The following CCDC30 variants were observed in gnomAD, a reference collection of about 807,000 sequenced individuals.
CCDC30 encodes coiled-coil domain-containing protein 30.
CCDC30 carries 70 observed loss-of-function variants against 100.2 expected under a neutral mutation model. The observed-to-expected ratio is 0.70, with a 90% CI of 0.58 to 0.85. The LOEUF (loss-of-function observed/expected upper bound fraction) is 0.85. Among genes scored for constraint, CCDC30 ranks in the 40% least tolerant of loss-of-function variants. The probability of loss-of-function intolerance (pLI) is 0.00; values close to 1 mark genes in which losing one functional copy is unlikely to be tolerated. For missense variants in CCDC30, 652 were observed against 771.2 expected (o/e 0.85, Z 1.83); for synonymous variants, 233 against 269.5 (o/e 0.86, Z 1.33).
At chr1:42,638,214 T>A (rs755160655) in intron 12 of CCDC30, among the ~76,000 whole-genome samples, 27 of 152,274 alleles carry the variant, frequency 1.8e-4, no homozygotes, top group African/African-American at 6.5e-4. Flanking sequence ...ATTGGCTGGG[T>A]GCAGTGGTTC....
At chr1:42,642,240 C>A (rs12043760) in intron 12 of CCDC30, among the ~76,000 whole-genome samples, 9,739 of 145,792 alleles carry the variant, frequency 0.067, 467 homozygotes, top group East Asian at 0.23. Flanking sequence ...AACAAACAAA[C>A]AAAAAAATAT....
intron 11 of CCDC30, among the ~76,000 whole-genome samples, chr1:42,636,965 C>CAAAAAAA (rs1166253995): frequency 0.023 from 671 of 29,508 alleles, 85 homozygotes; most frequent in South Asian, 0.044. Context: ...GACTCCATCT[C>CAAAAAAA]AAAAAAAAAA....
At chr1:42,578,549 G>C (rs1158450470) in intron 8 of CCDC30, among the ~76,000 whole-genome samples, 1 of 151,946 alleles carries the variant, frequency 6.6e-6, no homozygotes, top group African/African-American at 2.4e-5. Flanking sequence ...AAAAGTAATT[G>C]GTAAAATTGG....
chr1:42,577,080 T>G, exon 8 of CCDC30: 1 of 1,614,106 alleles, frequency 6.2e-7, no homozygotes, highest in Non-Finnish European at 8.5e-7. Flanking sequence ...GATGTGCTCT[T>G]CACTCACGGC....
At chr1:42,506,801 G>A (rs1296857679) in intron 6 of CCDC30, among the ~76,000 whole-genome samples, 1 of 152,182 alleles carries the variant, frequency 6.6e-6, no homozygotes, top group Non-Finnish European at 1.5e-5. Flanking sequence ...TTATGAAATG[G>A]AAGTCTAGAT....
chr1:42,530,717 T>C (rs1644792654), intron 6 of CCDC30, among the ~76,000 whole-genome samples: 1 of 152,184 alleles, frequency 6.6e-6, no homozygotes, highest in South Asian at 2.1e-4. Context: ...TTGTAAGTAA[T>C]CTAGAGATGA....
At chr1:42,549,155 C>T (rs752802190) in intron 6 of CCDC30, among the ~76,000 whole-genome samples, 18 of 152,166 alleles carry the variant, frequency 1.2e-4, no homozygotes, top group East Asian at 3.9e-4. Flanking sequence ...GACTGATGAG[C>T]GGGACCATTG....
chr1:42,478,691 C>T (rs188537969), intron 1 of CCDC30, among the ~76,000 whole-genome samples: 293 of 152,098 alleles, frequency 1.9e-3, no homozygotes, highest in African/African-American at 6.7e-3. Flanking sequence ...CCTGGGAGGT[C>T]GAGGCTGTGG....
chr1:42,641,984 G>C (rs985274725), intron 12 of CCDC30, among the ~76,000 whole-genome samples: 104 of 152,298 alleles, frequency 6.8e-4, no homozygotes, highest in African/African-American at 2.4e-3. Flanking sequence ...CCAGCAATTT[G>C]GGAGGCCAAG....
intron 15 of CCDC30, among the ~76,000 whole-genome samples, chr1:42,646,679 C>T (rs1466480082): frequency 6.6e-6 from 1 of 152,206 alleles, no homozygotes; most frequent in African/African-American, 2.4e-5. Flanking sequence ...GACAGCCTTC[C>T]CTCACTGCCA....
At chr1:42,656,073 A>G (rs114030290), downstream of CCDC30, among the ~76,000 whole-genome samples, 2,149 of 151,466 alleles carry the variant, frequency 0.014, 60 homozygotes, top group African/African-American at 0.049. Context: ...CTCTCACTCT[A>G]TTGTTCAAGC....
chr1:42,516,005 G>A (rs1043066464), intron 6 of CCDC30, among the ~76,000 whole-genome samples: 1 of 152,048 alleles, frequency 6.6e-6, no homozygotes, highest in East Asian at 1.9e-4. Context: ...GTAAATAATG[G>A]GTGTACAAAT....
At chr1:42,484,537 A>G (rs1335578) in intron 3 of CCDC30, among the ~76,000 whole-genome samples, 52,909 of 152,068 alleles carry the variant, frequency 0.35, 9,377 homozygotes, top group East Asian at 0.39. Flanking sequence ...ACTGAAAGCC[A>G]TCTCCACAGT....
intron 4 of CCDC30, among the ~76,000 whole-genome samples, chr1:42,496,132 T>A (rs1053253293): frequency 1.5e-4 from 22 of 148,292 alleles, no homozygotes; most frequent in African/African-American, 5.6e-4. Context: ...AGTGTGTGTG[T>A]GTGTGTGTGT....
At chr1:42,469,256 T>G (rs542643278) in intron 1 of CCDC30, among the ~76,000 whole-genome samples, 1 of 152,296 alleles carries the variant, frequency 6.6e-6, no homozygotes, top group South Asian at 2.1e-4. Flanking sequence ...TTGGCACATT[T>G]CTGTAGTCCT....
intron 11 of CCDC30, among the ~76,000 whole-genome samples, chr1:42,614,364 G>A (rs1646685002): frequency 6.6e-6 from 1 of 151,952 alleles, no homozygotes; most frequent in East Asian, 2.0e-4. Flanking sequence ...ACAGGCGTGA[G>A]CCACCGCACC....
chr1:42,546,399 AATAT>A (rs66804938), intron 6 of CCDC30, among the ~76,000 whole-genome samples: 20 of 11,984 alleles, frequency 1.7e-3, no homozygotes, highest in African/African-American at 3.9e-3. Context: ...AAAAAAAAAA[AATAT>A]ATATATATAT....
At chr1:42,462,346 G>A (rs575504462), upstream of CCDC30, among the ~76,000 whole-genome samples, 2 of 152,264 alleles carry the variant, frequency 1.3e-5, no homozygotes, top group South Asian at 4.2e-4. Flanking sequence ...TCCCTGAGTA[G>A]GTGATACTTA....
At chr1:42,521,389 C>T (rs1210306262) in intron 6 of CCDC30, 1 of 154,454 alleles carries the variant, frequency 6.5e-6, no homozygotes, top group East Asian at 1.9e-4. Flanking sequence ...CTGTTAATTT[C>T]TAACTTTATC....
Sources: gnomAD v4.1 joint callset for allele counts (sites outside exome capture counted in the v4.1 genomes callset) on GRCh38, gnomAD v4.1.1 for gene constraint, MANE v1.5 for transcripts, NCBI Gene and HGNC (gene_info 2026-07-23, HGNC 2026-07-21) for gene names.